Variants in RIOK1 observed in about 807,000 individuals in gnomAD.
RIOK1 encodes the protein serine/threonine-protein kinase RIO1.
Under a neutral mutation model 73.5 loss-of-function variants are expected in RIOK1, and 66 were observed. That is an observed-to-expected ratio of 0.90 (90% CI 0.74 to 1.10). The LOEUF is 1.10. RIOK1 is among the 50% of genes least tolerant of loss of function. The probability of loss-of-function intolerance (pLI) is 0.00; values close to 1 mark genes in which losing one functional copy is unlikely to be tolerated. For synonymous variants in RIOK1, 224 were observed against 226.8 expected, an observed-to-expected ratio of 0.99 and a Z score of 0.11; for missense variants, 658 against 699.8, an observed-to-expected ratio of 0.94 and a Z score of 0.67.
intron 8 of RIOK1, among the ~76,000 whole-genome samples, 177 bp from the exon 9 acceptor site, chr6:7,403,764 G>A (rs367550659): frequency 1.5e-3 from 235 of 152,174 alleles, no homozygotes; most frequent in Middle Eastern, 0.014. Flanking sequence ...ATCATTCTCG[G>A]TGGTACATAA....
At position 7,404,912 on chromosome 6, in the gene RIOK1, C is replaced by A. The variant is rs367920637; in HGVS notation, c.993-6C>A. 3 of 1,609,878 alleles carry A rather than the reference C, an allele frequency of 1.9e-6. No individual in the cohort carries two copies. The highest frequency in any genetic ancestry group is 2.6e-6 in the Non-Finnish European group (3 of 1,176,284). On this transcript the variant is annotated splice_region_variant and splice_polypyrimidine_tract_variant and intron_variant, in intron 10 of 16. Coordinates refer to ENST00000379834, the MANE Select transcript of RIOK1 (RefSeq NM_031480.3). ...ATCCCACAGCTTCTGTGTCTCTGGC[C>A]CATAGGTACCACGGTGGAGGCGTGT... is the stretch of plus-strand genomic sequence containing the variant.
chr6:7,415,463 G>A (rs564867669), intron 16 of RIOK1, among the ~76,000 whole-genome samples: 5 of 152,300 alleles, frequency 3.3e-5, no homozygotes, highest in Admixed American at 6.5e-5. Flanking sequence ...TCTTTTATCC[G>A]TGACATTGTG....
intron 16 of RIOK1, among the ~76,000 whole-genome samples, chr6:7,416,634 A>C (rs1581726352): frequency 2.5e-5 from 3 of 121,664 alleles, no homozygotes; most frequent in Admixed American, 1.0e-4. Flanking sequence ...GGCGACAGAG[A>C]CTCCGTCTCA....
chr6:7,404,102 G>T, intron 9 of RIOK1, 75 bp downstream of exon 9: 1 of 984,464 alleles, frequency 1.0e-6, no homozygotes, highest in South Asian at 1.3e-5. Context: ...TCCACTATAT[G>T]AATATTTCCC....
chr6:7,393,992 T>C (rs76626695), intron 2 of RIOK1, among the ~76,000 whole-genome samples: 1,810 of 152,290 alleles, frequency 0.012, 22 homozygotes, highest in African/African-American at 0.037. Context: ...TTATTTACCA[T>C]GTACAAAAAA....
chr6:7,411,669 A>C (rs1761886047), intron 14 of RIOK1: 1 of 468,020 alleles, frequency 2.1e-6, no homozygotes, highest in Non-Finnish European at 3.8e-6. Context: ...TGAATCCAAC[A>C]AGCTGTAATT....
chr6:7,393,561 G>A (rs1179487058), intron 2 of RIOK1, among the ~76,000 whole-genome samples: 3 of 152,102 alleles, frequency 2.0e-5, no homozygotes, highest in African/African-American at 7.2e-5. Flanking sequence ...CATGGGAAAG[G>A]GCATGGATTG....
In RIOK1 at chr6:7,407,464, A is replaced by G. The variant is rs190650009; in HGVS notation, c.1203+2109A>G. On this transcript the variant is annotated intron_variant, in intron 12 of 16. Transcript: ENST00000379834. ...CTTTTCATGTGCTTCTTGCCCATTTATATATTTTCTTTGGAGAAATGTCTT... is the reference window on the plus strand; with the variant it reads ...CTTTTCATGTGCTTCTTGCCCATTTGTATATTTTCTTTGGAGAAATGTCTT... Among the ~76,000 whole-genome samples, 571 of 149,356 alleles carry G rather than the reference A, an allele frequency of 3.8e-3. 4 individuals are homozygous for G. The highest frequency in any genetic ancestry group is 0.013 in the Admixed American group (193 of 15,050).
At chr6:7,413,766 G>A (rs1383567616) in intron 15 of RIOK1, among the ~76,000 whole-genome samples, 2 of 152,172 alleles carry the variant, frequency 1.3e-5, no homozygotes, top group African/African-American at 4.8e-5. Context: ...CGCTGTATTA[G>A]ACAACTGCTG....
At chr6:7,407,487 CTT>C (rs759245691) in intron 12 of RIOK1, among the ~76,000 whole-genome samples, 71 of 140,184 alleles carry the variant, frequency 5.1e-4, no homozygotes, top group African/African-American at 9.9e-4. Flanking sequence ...GGAGAAATGT[CTT>C]TTTTTTTTTT....
chr6:7,413,353 C>CAGCA (rs1761930891), intron 15 of RIOK1, among the ~76,000 whole-genome samples: 1 of 152,204 alleles, frequency 6.6e-6, no homozygotes, highest in Admixed American at 6.5e-5. Flanking sequence ...CTCATGAGTT[C>CAGCA]AGCAAGTCCT....
chr6:7,401,981 A>T (rs941445131), intron 6 of RIOK1, among the ~76,000 whole-genome samples: 1 of 152,162 alleles, frequency 6.6e-6, no homozygotes, highest in Non-Finnish European at 1.5e-5. Flanking sequence ...GCCTTGCCTA[A>T]ATCACTGGAT....
At chr6:7,401,569 T>C (rs998676044) in intron 6 of RIOK1, among the ~76,000 whole-genome samples, 1 of 152,026 alleles carries the variant, frequency 6.6e-6, no homozygotes, top group African/African-American at 2.4e-5. Context: ...ATATAGTTTC[T>C]GTTTTTGTTT....
chr6:7,402,050 T>C (rs549965201), intron 6 of RIOK1, among the ~76,000 whole-genome samples: 38 of 152,340 alleles, frequency 2.5e-4, no homozygotes, highest in African/African-American at 8.7e-4. Flanking sequence ...TTGAAACCAC[T>C]TCTCCCCTAT....
At chr6:7,406,790 A>G (rs1217110360) in intron 12 of RIOK1, among the ~76,000 whole-genome samples, 1 of 151,882 alleles carries the variant, frequency 6.6e-6, no homozygotes, top group Non-Finnish European at 1.5e-5. Context: ...CTCCCTGAGT[A>G]GCTGGGACTA....
chr6:7,402,555 G>A (rs781213940), intron 6 of RIOK1, 48 bp from the exon 7 acceptor site: 8 of 1,361,640 alleles, frequency 5.9e-6, no homozygotes, highest in Non-Finnish European at 7.1e-6. Context: ...TTGAAAAAGT[G>A]GTTATTTAAC....
intron 15 of RIOK1, 99 bp from the exon 16 acceptor site, chr6:7,414,139 G>A: frequency 1.9e-6 from 2 of 1,062,842 alleles, no homozygotes; most frequent in Non-Finnish European, 2.7e-6. Flanking sequence ...ATATATTTGC[G>A]AGCCTAAAAT....
At chr6:7,408,308 A>T (rs894108987) in intron 12 of RIOK1, among the ~76,000 whole-genome samples, 1 of 152,234 alleles carries the variant, frequency 6.6e-6, no homozygotes, top group Admixed American at 6.5e-5. Context: ...AAGTGCTGGG[A>T]TTACAGGCAT....
intron 5 of RIOK1, among the ~76,000 whole-genome samples, chr6:7,400,528 AT>A (rs1343189738): frequency 2.6e-5 from 4 of 152,250 alleles, no homozygotes; most frequent in African/African-American, 9.6e-5. Flanking sequence ...ATGACTTTTT[AT>A]ATTGATACAG....
Sources: gnomAD v4.1 joint callset for allele counts (sites outside exome capture counted in the v4.1 genomes callset) on GRCh38, gnomAD v4.1.1 for gene constraint, MANE v1.5 for transcripts, NCBI Gene and HGNC (gene_info 2026-07-23, HGNC 2026-07-21) for gene names.